The following PTPRD variants were observed in gnomAD, a reference collection of about 807,000 sequenced individuals.
PTPRD encodes the protein receptor-type tyrosine-protein phosphatase delta.
Under a neutral mutation model 214.5 loss-of-function variants are expected in PTPRD, and 34 were observed. The ratio of observed to expected loss-of-function variants is 0.16; its 90% CI spans 0.12 to 0.21. The LOEUF (loss-of-function observed/expected upper bound fraction) is 0.21. PTPRD is among the 10% of genes least tolerant of loss of function. The pLI, the probability that PTPRD is intolerant of heterozygous loss-of-function variation, is 1.00. For synonymous variants in PTPRD, 1,128 were observed against 845.7 expected, an observed-to-expected ratio of 1.33 and a Z score of -5.79; for missense variants, 2,545 against 2,398.7, an observed-to-expected ratio of 1.06 and a Z score of -1.27.
At chr9:10,344,080 G>A (rs1321653328) in intron 2 of PTPRD, among the ~76,000 whole-genome samples, 7 of 138,354 alleles carry the variant, frequency 5.1e-5, no homozygotes, top group Admixed American at 7.7e-5. Flanking sequence ...TGCTTTTGGT[G>A]TTTTAGACAT....
At chr9:9,897,331 A>G (rs1438843118) in intron 5 of PTPRD, among the ~76,000 whole-genome samples, 1 of 152,144 alleles carries the variant, frequency 6.6e-6, no homozygotes, top group Non-Finnish European at 1.5e-5. Flanking sequence ...CAAAGAATAT[A>G]TAAAGACAGT....
At chr9:8,403,994 T>G (rs2092711813) in intron 36 of PTPRD, among the ~76,000 whole-genome samples, 1 of 152,180 alleles carries the variant, frequency 6.6e-6, no homozygotes, top group Non-Finnish European at 1.5e-5. Context: ...TTATCAAATC[T>G]TTAGGGTAAA....
intron 39 of PTPRD, among the ~76,000 whole-genome samples, chr9:8,342,803 G>C (rs1564111205): frequency 6.6e-6 from 1 of 152,064 alleles, no homozygotes; most frequent in Admixed American, 6.6e-5. Context: ...AAAGAGCTCA[G>C]AGTGTATCGA....
chr9:10,445,519 G>A (rs74697124), intron 2 of PTPRD, among the ~76,000 whole-genome samples: 1,548 of 152,232 alleles, frequency 0.01, 22 homozygotes, highest in African/African-American at 0.029. Flanking sequence ...ATACATTTGA[G>A]AAATATATAG....
chr9:9,595,930 G>A (rs550359750), intron 7 of PTPRD, among the ~76,000 whole-genome samples: 97 of 150,440 alleles, frequency 6.4e-4, no homozygotes, highest in African/African-American at 2.3e-3. Context: ...ACTTCTTCCC[G>A]AATAACCTAT....
At chr9:9,672,190 T>C (rs1220436939) in intron 7 of PTPRD, among the ~76,000 whole-genome samples, 3 of 152,208 alleles carry the variant, frequency 2.0e-5, no homozygotes, top group Non-Finnish European at 4.4e-5. Context: ...TATAATTCTA[T>C]ATGATTCCAT....
intron 2 of PTPRD, among the ~76,000 whole-genome samples, chr9:10,465,284 T>G (rs926685748): frequency 5.3e-5 from 8 of 152,166 alleles, no homozygotes; most frequent in African/African-American, 1.9e-4. Context: ...CTTTGCCACC[T>G]GCCACACTAG....
chr9:10,147,462 G>C (rs895394447), intron 3 of PTPRD, among the ~76,000 whole-genome samples: 1 of 152,110 alleles, frequency 6.6e-6, no homozygotes, highest in Non-Finnish European at 1.5e-5. Flanking sequence ...CTAAAAGCCT[G>C]AGTTACGTTT....
At chr9:9,686,711 G>C (rs2097172750) in intron 7 of PTPRD, among the ~76,000 whole-genome samples, 2 of 151,584 alleles carry the variant, frequency 1.3e-5, no homozygotes, top group Non-Finnish European at 3.0e-5. Context: ...ATATTTACAA[G>C]TTATATGCAT....
chr9:10,379,883 T>C (rs1311498816), intron 2 of PTPRD, among the ~76,000 whole-genome samples: 1 of 152,092 alleles, frequency 6.6e-6, no homozygotes, highest in Non-Finnish European at 1.5e-5. Flanking sequence ...TTTTAGTTAA[T>C]GTATTTTATT....
chr9:9,699,770 A>G (rs1403644918), intron 7 of PTPRD, among the ~76,000 whole-genome samples: 1 of 152,188 alleles, frequency 6.6e-6, no homozygotes, highest in Non-Finnish European at 1.5e-5. Flanking sequence ...TAGAACTGGA[A>G]GCAAGAAGCC....
intron 10 of PTPRD, among the ~76,000 whole-genome samples, chr9:9,104,508 T>C (rs538173704): frequency 6.6e-6 from 1 of 152,274 alleles, no homozygotes; most frequent in African/African-American, 2.4e-5. Flanking sequence ...TGTTTAATGG[T>C]AATCAAATTT....
intron 5 of PTPRD, among the ~76,000 whole-genome samples, chr9:9,876,898 T>C (rs865797073): frequency 2.0e-5 from 3 of 152,198 alleles, no homozygotes; most frequent in Non-Finnish European, 4.4e-5. Flanking sequence ...TTTTACTCAT[T>C]CGTGTCACAT....
At chr9:8,384,240 G>C (rs990354354) in intron 37 of PTPRD, among the ~76,000 whole-genome samples, 1 of 152,052 alleles carries the variant, frequency 6.6e-6, no homozygotes, top group Non-Finnish European at 1.5e-5. Context: ...TTTCCAAACA[G>C]TTTCCTCCTT....
chr9:10,411,225 T>C (rs1270890040), intron 2 of PTPRD, among the ~76,000 whole-genome samples: 1 of 151,754 alleles, frequency 6.6e-6, no homozygotes, highest in Non-Finnish European at 1.5e-5. Context: ...AATAGGCCTC[T>C]AAATCACCTA....
intron 10 of PTPRD, among the ~76,000 whole-genome samples, chr9:9,025,786 T>TA (rs1295560265): frequency 1.3e-5 from 2 of 151,786 alleles, no homozygotes; most frequent in Non-Finnish European, 2.9e-5. Context: ...TAAAATAGAT[T>TA]AAAAAAAGAA....
At chr9:8,869,562 C>T (rs1325919584) in intron 11 of PTPRD, among the ~76,000 whole-genome samples, 1 of 152,060 alleles carries the variant, frequency 6.6e-6, no homozygotes, top group Non-Finnish European at 1.5e-5. Flanking sequence ...GAATTGTTGG[C>T]AAGCTTCTCA....
chr9:9,111,273 G>C (rs1164216013), intron 10 of PTPRD, among the ~76,000 whole-genome samples: 1 of 131,956 alleles, frequency 7.6e-6, no homozygotes, highest in Non-Finnish European at 1.6e-5. Flanking sequence ...TTTTTTGATA[G>C]CTTCTCTCAG....
At chr9:8,531,350 A>G (rs1202738148) in intron 14 of PTPRD, among the ~76,000 whole-genome samples, 3 of 152,036 alleles carry the variant, frequency 2.0e-5, no homozygotes, top group Admixed American at 6.6e-5. Context: ...ATATATTTAC[A>G]TCTACAACAT....
Sources: allele counts gnomAD v4.1 joint callset (sites outside exome capture counted in the v4.1 genomes callset), GRCh38; gene constraint gnomAD v4.1.1; transcripts MANE v1.5; gene names NCBI Gene and HGNC (gene_info 2026-07-23, HGNC 2026-07-21).